Variants in TYW1B observed in about 807,000 individuals in gnomAD.
TYW1B encodes the protein tRNA-yW synthesizing protein 1 homolog B.
TYW1B carries 73 observed loss-of-function variants against 86.9 expected under a neutral mutation model. The ratio of observed to expected loss-of-function variants is 0.84; its 90% CI spans 0.70 to 1.02. The LOEUF is 1.02. Among genes scored for constraint, TYW1B ranks in the 50% least tolerant of loss-of-function variants. The pLI, the probability that TYW1B is intolerant of heterozygous loss-of-function variation, is 0.00. For missense variants in TYW1B, 637 were observed against 827.4 expected (o/e 0.77, Z 2.82); for synonymous variants, 248 against 292.8 (o/e 0.85, Z 1.56).
chr7:72,817,593 C>G (rs1205490981), intron 2 of TYW1B, among the ~76,000 whole-genome samples: 4 of 151,898 alleles, frequency 2.6e-5, no homozygotes, highest in African/African-American at 4.8e-5. Flanking sequence ...GCTTTGTTAC[C>G]AGTGGAGGGT....
intron 12 of TYW1B, among the ~76,000 whole-genome samples, chr7:72,627,310 C>T (rs138037157): frequency 3.4e-4 from 52 of 151,838 alleles, no homozygotes; most frequent in Admixed American, 1.1e-3. Flanking sequence ...TAGCCAGGTG[C>T]GGTAGTGGGC....
intron 11 of TYW1B, among the ~76,000 whole-genome samples, chr7:72,687,516 C>A (rs778100155): frequency 6.6e-6 from 1 of 152,020 alleles, no homozygotes; most frequent in Non-Finnish European, 1.5e-5. Flanking sequence ...GTATTCAGAA[C>A]CACTATTACT....
intron 10 of TYW1B, among the ~76,000 whole-genome samples, chr7:72,710,176 T>C (rs1227739938): frequency 6.6e-6 from 1 of 152,188 alleles, no homozygotes; most frequent in Non-Finnish European, 1.5e-5. Context: ...CTGGTTATCA[T>C]TTTGCAAAAA....
chr7:72,687,326 T>C (rs1279259062), intron 11 of TYW1B, among the ~76,000 whole-genome samples: 6 of 152,120 alleles, frequency 3.9e-5, no homozygotes, highest in Non-Finnish European at 7.4e-5. Flanking sequence ...TTCCAGCTAC[T>C]TGGGAGCTGA....
At chr7:72,629,567 GAC>G (rs573522376) in intron 11 of TYW1B, among the ~76,000 whole-genome samples, 183 of 152,104 alleles carry the variant, frequency 1.2e-3, no homozygotes, top group Non-Finnish European at 1.9e-3. Flanking sequence ...TTTTTTTAGA[GAC>G]AGAGTCTCGC....
intron 11 of TYW1B, among the ~76,000 whole-genome samples, chr7:72,636,717 T>C (rs1170073567): frequency 7.2e-5 from 11 of 152,230 alleles, no homozygotes; most frequent in Admixed American, 7.2e-4. Flanking sequence ...CATAAATAGG[T>C]TGATTTTTAC....
At chr7:72,729,759 A>G (rs1787070623) in intron 8 of TYW1B, among the ~76,000 whole-genome samples, 2 of 152,082 alleles carry the variant, frequency 1.3e-5, no homozygotes, top group East Asian at 1.9e-4. Context: ...CAGGCCCCTC[A>G]AGGCCCAAGG....
intron 2 of TYW1B, among the ~76,000 whole-genome samples, chr7:72,823,640 A>C (rs569955928): frequency 1.7e-4 from 26 of 152,008 alleles, no homozygotes; most frequent in African/African-American, 6.3e-4. Flanking sequence ...TAAATAAAAA[A>C]TAAATGAAAT....
At chr7:72,762,046 AC>A (rs1345312553) in intron 7 of TYW1B, among the ~76,000 whole-genome samples, 1 of 152,188 alleles carries the variant, frequency 6.6e-6, no homozygotes, top group Non-Finnish European at 1.5e-5. Context: ...ATACACTAAT[AC>A]AAAAATTTTA....
rs1554444408 is a variant in TYW1B at position 72,661,236 on chromosome 7, C to CG, written c.1507-32240dup. Among the ~76,000 whole-genome samples the CG allele has an allele frequency of 5.8e-3, 26 of 4,446 alleles. 7 individuals carry two copies. The highest frequency in any genetic ancestry group is 0.051 in the East Asian group (6 of 118). The allele number at this position is 4,446 out of a possible 152,430, so 2.9% of individuals were successfully genotyped here. On this transcript the variant is annotated intron_variant, in intron 11 of 13. Transcript: ENST00000620995. ...AATTCTAGGGAGGTCTGGTGGGGGG[C>CG]GGGGGGGCACTATAGGTAACTAATG...
intron 11 of TYW1B, among the ~76,000 whole-genome samples, chr7:72,694,023 T>C (rs1432618345): frequency 7.9e-5 from 12 of 152,110 alleles, no homozygotes; most frequent in Non-Finnish European, 1.6e-4. Context: ...TGCAGTGGCA[T>C]GATCTTGGCT....
At chr7:72,763,343 C>A (rs576983340) in intron 7 of TYW1B, among the ~76,000 whole-genome samples, 2 of 135,772 alleles carry the variant, frequency 1.5e-5, no homozygotes, top group Non-Finnish European at 3.0e-5. Context: ...AGTGCAGTGG[C>A]GTAGTCTCGG....
At chr7:72,731,348 A>T (rs3015861) in intron 8 of TYW1B, among the ~76,000 whole-genome samples, 91,693 of 134,326 alleles carry the variant, frequency 0.68, 32,384 homozygotes, top group Non-Finnish European at 0.77. Flanking sequence ...AAATGAGATT[A>T]AAAAAAGTAT....
chr7:72,615,552 A>C (rs576593974), intron 13 of TYW1B, among the ~76,000 whole-genome samples: 1 of 152,186 alleles, frequency 6.6e-6, no homozygotes, highest in South Asian at 2.1e-4. Flanking sequence ...ACAGGTAACA[A>C]CAAGGCACTG....
At chr7:72,644,930 C>T (rs1231898385) in intron 11 of TYW1B, among the ~76,000 whole-genome samples, 6 of 150,382 alleles carry the variant, frequency 4.0e-5, no homozygotes, top group South Asian at 2.1e-4. Flanking sequence ...CGGGTTCAAG[C>T]GATTCTCCTG....
intron 13 of TYW1B, among the ~76,000 whole-genome samples, chr7:72,592,160 TAA>T (rs56146824): frequency 9.0e-4 from 93 of 103,358 alleles, no homozygotes; most frequent in African/African-American, 1.9e-3. Flanking sequence ...ACTAATGTGT[TAA>T]AAAAAAAAAA....
intron 3 of TYW1B, among the ~76,000 whole-genome samples, chr7:72,812,678 C>T (rs1443925174): frequency 2.3e-4 from 35 of 151,436 alleles, no homozygotes; most frequent in African/African-American, 8.2e-4. Context: ...CCACGAGCCA[C>T]ATCTTGCTTG....
intron 6 of TYW1B, among the ~76,000 whole-genome samples, chr7:72,792,845 A>C (rs1426479294): frequency 3.3e-5 from 5 of 152,236 alleles, no homozygotes; most frequent in African/African-American, 1.2e-4. Flanking sequence ...CAGTCTGTAG[A>C]CCAGGAGTAC....
rs1554455303 is a variant in TYW1B at position 72,713,719 on chromosome 7, T to A, written c.1272A>T (p.Pro424=). 3 of 1,613,694 alleles carry A rather than the reference T, an allele frequency of 1.9e-6. No individual in the cohort carries two copies. In the South Asian group the frequency reaches 3.3e-5, roughly 18 times the overall value. Residue 424 remains proline (P), a synonymous_variant, in exon 10 of 14, where the codon CCA becomes CCT. Coordinates refer to ENST00000620995, the MANE Select transcript of TYW1B (RefSeq NM_001145440.3). The part of the protein sequence containing the change: ...KHCALSLVGE[P]IMYPEINRFL... The stretch of plus-strand genomic sequence containing the variant: ...ACCTGTTGATCTCTGGGTACATTAT[T>A]GGTTCTCCCACGAGGGACAATGCAC...
Sources: gnomAD v4.1 joint callset for allele counts (sites outside exome capture counted in the v4.1 genomes callset) on GRCh38, gnomAD v4.1.1 for gene constraint, MANE v1.5 for transcripts, NCBI Gene and HGNC (gene_info 2026-07-23, HGNC 2026-07-21) for gene names.